SUGCT: variants seen among roughly 807,000 people sequenced by gnomAD.
SUGCT encodes the protein succinyl-CoA:glutarate-CoA transferase.
A neutral mutation model predicts 55.0 loss-of-function variants in SUGCT; 41 were observed. That is an observed-to-expected ratio of 0.74 (90% CI 0.58 to 0.97). The LOEUF (loss-of-function observed/expected upper bound fraction) is 0.97, where lower values mean the gene tolerates loss of function less well. Ranked by LOEUF, SUGCT falls within the 50% of genes least tolerant of loss-of-function variation. SUGCT has a pLI of 0.00. For missense variants in SUGCT, 568 were observed against 547.8 expected, an observed-to-expected ratio of 1.04 and a Z score of -0.37; for synonymous variants, 187 against 200.4, an observed-to-expected ratio of 0.93 and a Z score of 0.56.
intron 9 of SUGCT, among the ~76,000 whole-genome samples, chr7:40,412,855 T>C (rs558943092): frequency 2.6e-5 from 4 of 152,310 alleles, no homozygotes; most frequent in African/African-American, 9.6e-5. Context: ...AGAGTTTTCT[T>C]TAATATATGA....
chr7:40,467,639 T>A (rs1484671378), intron 11 of SUGCT, among the ~76,000 whole-genome samples: 1 of 152,216 alleles, frequency 6.6e-6, no homozygotes, highest in Non-Finnish European at 1.5e-5. Context: ...TCTATATTAG[T>A]TTTAAATTCA....
At chr7:40,296,539 A>G (rs1794155640) in intron 8 of SUGCT, among the ~76,000 whole-genome samples, 2 of 151,994 alleles carry the variant, frequency 1.3e-5, no homozygotes, top group African/African-American at 4.8e-5. Context: ...TTTCAATGCA[A>G]TGCAATTTTT....
At chr7:40,231,042 A>G (rs1788693342) in intron 6 of SUGCT, among the ~76,000 whole-genome samples, 1 of 152,204 alleles carries the variant, frequency 6.6e-6, no homozygotes, top group Non-Finnish European at 1.5e-5. Context: ...AATTTCCAGT[A>G]TCTTGTTTAG....
At chr7:40,657,461 G>C (rs1414316972) in intron 12 of SUGCT, among the ~76,000 whole-genome samples, 2 of 152,090 alleles carry the variant, frequency 1.3e-5, no homozygotes, top group Non-Finnish European at 2.9e-5. Flanking sequence ...ACTGTATCAA[G>C]TGCTCAGTCA....
chr7:40,307,093 A>C (rs1178759104), intron 8 of SUGCT, among the ~76,000 whole-genome samples: 1 of 152,242 alleles, frequency 6.6e-6, no homozygotes, highest in Admixed American at 6.5e-5. Context: ...ATGACTATGA[A>C]GAGAATAATT....
downstream of SUGCT, among the ~76,000 whole-genome samples, chr7:40,862,604 T>G (rs992888717): frequency 6.6e-6 from 1 of 152,132 alleles, no homozygotes; most frequent in Non-Finnish European, 1.5e-5. Flanking sequence ...TCAAGTTCAG[T>G]TTGTGTCAAG....
chr7:40,873,062 C>T, the SUGCT span, among the ~76,000 whole-genome samples: 17 of 152,224 alleles, frequency 1.1e-4, no homozygotes, highest in South Asian at 1.2e-3. Flanking sequence ...TGAAAACCTG[C>T]GGATCTAGAA....
intron 13 of SUGCT, among the ~76,000 whole-genome samples, chr7:40,786,282 TAGA>T (rs1236849522): frequency 2.0e-5 from 3 of 152,188 alleles, no homozygotes; most frequent in Non-Finnish European, 1.5e-5. Flanking sequence ...CAGGAGGTAA[TAGA>T]AGAATAAAGA....
At chr7:40,663,519 G>GTGTGTGTGTGTA (rs777739219) in intron 12 of SUGCT, among the ~76,000 whole-genome samples, 6 of 148,394 alleles carry the variant, frequency 4.0e-5, no homozygotes, top group Non-Finnish European at 8.9e-5. Flanking sequence ...GTGTGTGTGT[G>GTGTGTGTGTGTA]TGTATCATTA....
intron 9 of SUGCT, among the ~76,000 whole-genome samples, chr7:40,432,345 T>C (rs1201139961): frequency 6.6e-6 from 1 of 152,132 alleles, no homozygotes; most frequent in Non-Finnish European, 1.5e-5. Context: ...CTGATAGTCT[T>C]ATAGAGACTC....
At chr7:40,723,477 C>T (rs987192534) in intron 12 of SUGCT, among the ~76,000 whole-genome samples, 1 of 152,112 alleles carries the variant, frequency 6.6e-6, no homozygotes, top group African/African-American at 2.4e-5. Flanking sequence ...ATACAAAATG[C>T]ACGAATTCCT....
At chr7:40,470,772 T>TCTCTCC (rs1790364322) in intron 11 of SUGCT, among the ~76,000 whole-genome samples, 1 of 152,026 alleles carries the variant, frequency 6.6e-6, no homozygotes, top group Admixed American at 6.6e-5. Flanking sequence ...TCTCTCTCTC[T>TCTCTCC]CTCTCTCTGT....
At chr7:40,561,695 T>TTC in intron 12 of SUGCT, among the ~76,000 whole-genome samples, 1 of 146,036 alleles carries the variant, frequency 6.8e-6, no homozygotes, top group Middle Eastern at 3.5e-3. Context: ...AGTCTTTTTT[T>TTC]TTTTTTTTTT....
Position 40,860,567 on chromosome 7 carries a change from TACC to T in SUGCT, c.*91_*93del. 1 of 1,390,076 alleles carries T rather than the reference TACC, an allele frequency of 7.2e-7. No individual in the cohort carries two copies. Among genetic ancestry groups the T allele is most frequent in the Non-Finnish European group, 9.6e-7 (1 of 1,037,760 alleles). The allele number at this position is 1,390,076 out of a possible 1,614,324, so 86.1% of individuals were successfully genotyped here. On this transcript the variant is annotated 3_prime_UTR_variant, in exon 14 of 14. Transcript: ENST00000335693. Reference sequence around the variant, plus strand: ...CTTGGACCCTTCTCCCCAGTTCTGATACCACTAAAAAGAAGATTTAGAGTAACT... The same window carrying T: ...CTTGGACCCTTCTCCCCAGTTCTGATACTAAAAAGAAGATTTAGAGTAACT...
intron 7 of SUGCT, among the ~76,000 whole-genome samples, chr7:40,265,550 A>G (rs949384960): frequency 6.6e-6 from 1 of 151,984 alleles, no homozygotes; most frequent in African/African-American, 2.4e-5. Context: ...TGGGAAGAGC[A>G]TAGAGAAATG....
chr7:40,720,880 T>C (rs1056147526), intron 12 of SUGCT, among the ~76,000 whole-genome samples: 2 of 152,250 alleles, frequency 1.3e-5, no homozygotes, highest in Non-Finnish European at 2.9e-5. Flanking sequence ...TTTAAAACAC[T>C]GAGCTGTATT....
intron 12 of SUGCT, among the ~76,000 whole-genome samples, chr7:40,666,266 C>G (rs1259330613): frequency 6.6e-6 from 1 of 151,592 alleles, no homozygotes; most frequent in Non-Finnish European, 1.5e-5. Flanking sequence ...GGGAGTATCA[C>G]TTTTACCTGG....
intron 12 of SUGCT, among the ~76,000 whole-genome samples, chr7:40,662,440 G>C (rs988088581): frequency 6.6e-6 from 1 of 152,120 alleles, no homozygotes; most frequent in Non-Finnish European, 1.5e-5. Flanking sequence ...ATTATCATAG[G>C]CTTCAAGGTC....
chr7:40,655,560 G>A (rs1018667321), intron 12 of SUGCT, among the ~76,000 whole-genome samples: 16 of 152,266 alleles, frequency 1.1e-4, no homozygotes, highest in East Asian at 3.9e-4. Flanking sequence ...TTATGGAGGC[G>A]TCAGTTACAA....
Sources: gnomAD v4.1 joint callset for allele counts (sites outside exome capture counted in the v4.1 genomes callset) on GRCh38, gnomAD v4.1.1 for gene constraint, MANE v1.5 for transcripts, NCBI Gene and HGNC (gene_info 2026-07-23, HGNC 2026-07-21) for gene names.